Variants in HRG observed in about 807,000 individuals in gnomAD.
HRG encodes the protein histidine-rich glycoprotein.
In HRG, 26 loss-of-function variants were observed where a neutral mutation model predicts 29.5. The observed-to-expected ratio is 0.88, with a 90% CI of 0.65 to 1.22. The LOEUF (loss-of-function observed/expected upper bound fraction) is 1.22, where lower values mean the gene tolerates loss of function less well. Among genes scored for constraint, HRG ranks in the 50% most tolerant of loss-of-function variants. The probability of loss-of-function intolerance (pLI) is 0.00; values close to 1 mark genes in which losing one functional copy is unlikely to be tolerated. For synonymous variants in HRG, 243 were observed against 240.4 expected, an observed-to-expected ratio of 1.01 and a Z score of -0.10; for missense variants, 671 against 654.5, an observed-to-expected ratio of 1.03 and a Z score of -0.28.
In HRG at chr3:186,678,120, A is replaced by G. The variant is rs748512696; in HGVS notation, c.*237A>G. ...GTCACTCACCACTACATCACTTGAGACAAATCTATGCCACTCAGAATCTCC... is the reference window on the plus strand; with the variant it reads ...GTCACTCACCACTACATCACTTGAGGCAAATCTATGCCACTCAGAATCTCC... On this transcript the variant is annotated 3_prime_UTR_variant, in exon 7 of 7. Transcript: ENST00000232003. 12 of 506,868 alleles carry G rather than the reference A, an allele frequency of 2.4e-5. No individual in the cohort carries two copies. Among genetic ancestry groups the G allele is most frequent in the African/African-American group, 2.3e-4 (12 of 51,902 alleles). 31.4% of individuals were successfully genotyped at this position (506,868 alleles called of 1,614,324 possible).
intron 6 of HRG, 98 bp downstream of exon 6, chr3:186,675,288 T>TGC (rs1718936228): frequency 2.1e-5 from 7 of 329,222 alleles, no homozygotes; most frequent in Non-Finnish European, 3.5e-5. Context: ...TGAGTGGGTG[T>TGC]GTGTGTGTGT....
chr3:186,677,285 G>A lies in HRG; in HGVS notation c.980G>A (p.Cys327Tyr). 1 of 1,613,978 alleles carries A rather than the reference G, an allele frequency of 6.2e-7. No homozygotes were observed. The highest frequency in any genetic ancestry group is 8.5e-7 in the Non-Finnish European group (1 of 1,179,994). Residue 327 changes from cysteine to tyrosine, a missense_variant, in exon 7 of 7, where the codon TGT (cysteine) becomes TAT (tyrosine). Physicochemically the swap from Cys to Tyr is radical, Grantham distance 194 (BLOSUM62 -2). Coordinates refer to ENST00000232003, the MANE Select transcript of HRG (RefSeq NM_000412.5). ...CTATTGCCCATGTCCTGCTCAAGTT[G>A]TCAACATGCCACTTTTGGCACAAAT... is the stretch of plus-strand genomic sequence containing the variant. ...PPLLPMSCSS[C>Y]QHATFGTNGA...
intron 2 of HRG, among the ~76,000 whole-genome samples, 155 bp downstream of exon 2, chr3:186,669,206 T>C (rs1312680181): frequency 1.3e-5 from 2 of 152,250 alleles, no homozygotes; most frequent in Non-Finnish European, 2.9e-5. Flanking sequence ...GCAATACTCT[T>C]GAGAGTCTTT....
At chr3:186,676,549 T>A (rs146112406) in intron 6 of HRG, among the ~76,000 whole-genome samples, 1 of 150,508 alleles carries the variant, frequency 6.6e-6, no homozygotes, top group Admixed American at 6.6e-5. Context: ...CTGAGATGGG[T>A]GGATTACTTG....
In HRG at chr3:186,677,584, T is replaced by A. The variant is rs776485907; in HGVS notation, c.1279T>A (p.Cys427Ser). 2 of 1,614,116 alleles carry A rather than the reference T, an allele frequency of 1.2e-6. No homozygotes were observed. Among genetic ancestry groups the A allele is most frequent in the Non-Finnish European group, 1.7e-6 (2 of 1,180,016 alleles). ...CCCACCACCCCATAACCAAGGTCAC[T>A]GTTGCCATGGCCACGGCCCACCACC... ...CDPPPHNQGH[C>S]CHGHGPPPGH... The change falls in exon 7 of 7, where the codon TGT (cysteine) becomes AGT (serine). Residue 427 changes from cysteine (C) to serine (S), a missense_variant. Cys to Ser is a moderately radical substitution (Grantham distance 112). Transcript: ENST00000232003.
chr3:186,676,184 T>C (rs1718981771), intron 6 of HRG, among the ~76,000 whole-genome samples: 1 of 152,064 alleles, frequency 6.6e-6, no homozygotes, highest in South Asian at 2.1e-4. Flanking sequence ...AGCTATTTTT[T>C]AAAAAATTAA....
At chr3:186,676,986 A>G (rs1436740156) in intron 6 of HRG, 61 bp from the exon 7 acceptor site, 2 of 1,603,410 alleles carry the variant, frequency 1.2e-6, no homozygotes, top group East Asian at 4.5e-5. Flanking sequence ...AATCAAGTCA[A>G]GTATCTAACA....
chr3:186,666,053 C>CTT lies in HRG; in HGVS notation c.23_24insTT (p.Leu9CysfsTer3). 11 of 1,614,250 alleles carry CTT rather than the reference C, an allele frequency of 6.8e-6. No homozygotes were observed. The highest frequency in any genetic ancestry group is 9.3e-6 in the Non-Finnish European group (11 of 1,180,038). ...CAAAATGAAGGCACTCATTGCAGCA[C>CTT]TGCTTTTGATCACATTGCAGTATTC... On this transcript the variant is annotated frameshift_variant, in exon 1 of 7. Coordinates refer to ENST00000232003, the MANE Select transcript of HRG (RefSeq NM_000412.5). LOFTEE classifies it high-confidence loss of function.
In HRG at chr3:186,671,727, A is replaced by C; in HGVS notation, c.496A>C (p.Lys166Gln). The C allele has an allele frequency of 6.2e-7, 1 of 1,614,004 alleles. No homozygotes were observed. The highest frequency in any genetic ancestry group is 8.5e-7 in the Non-Finnish European group (1 of 1,179,920). ...KQANKALEKY[K>Q]EENDDFASFR... ...AGCCAACAAAGCCCTTGAGAAGTAC[A>C]AAGAGGAGAATGATGACTTTGCCTC... The change falls in exon 4 of 7, where the codon AAA becomes CAA. Residue 166 changes from lysine (K) to glutamine (Q), a missense_variant. Lys to Gln is a moderately conservative substitution (Grantham distance 53). Coordinates refer to ENST00000232003, the MANE Select transcript of HRG (RefSeq NM_000412.5).
chr3:186,669,645 G>A (rs1006929252), intron 2 of HRG: 1 of 444,222 alleles, frequency 2.3e-6, no homozygotes, highest in African/African-American at 2.0e-5. Context: ...GAAAATGAGA[G>A]GTTCACACTC....
intron 6 of HRG, 110 bp downstream of exon 6, chr3:186,675,300 T>TGAGAGAGAGA (rs1367965463): frequency 3.0e-5 from 18 of 602,640 alleles, no homozygotes; most frequent in African/African-American, 2.0e-4. Flanking sequence ...TGTGTGTGTG[T>TGAGAGAGAGA]GTGTGTGTGA....
In HRG at chr3:186,677,866, C is replaced by A; in HGVS notation, c.1561C>A (p.His521Asn). The change falls in exon 7 of 7, where the codon CAT (histidine) becomes AAT (asparagine). Residue 521 changes from histidine (H) to asparagine (N), a missense_variant. Coordinates refer to ENST00000232003, the MANE Select transcript of HRG (RefSeq NM_000412.5). ...TCCACAAGTTTCCATGTTTTTTACA[C>A]ATACATTTCCAAAATAAAATGTGAT... ...GFPQVSMFFT[H>N]TFPK The A allele has an allele frequency of 6.2e-7, 1 of 1,613,436 alleles. No homozygotes were observed. The highest frequency in any genetic ancestry group is 8.5e-7 in the Non-Finnish European group (1 of 1,179,366).
rs201357157 is a variant in HRG, at chr3:186,672,780, G to T, written c.559-7G>T. 103 of 1,590,554 alleles carry T rather than the reference G, an allele frequency of 6.5e-5. 1 individual carries two copies. Among genetic ancestry groups the T allele is most frequent in the Non-Finnish European group, 8.5e-5 (99 of 1,158,638 alleles). On this transcript the variant is annotated splice_region_variant and splice_polypyrimidine_tract_variant and intron_variant, in intron 4 of 6. Transcript: ENST00000232003. ...TCTTGAAACTATTTTGATCCCATCT[G>T]TTCTAGAGAGGAGGGGAAGGAACTG...
chr3:186,673,622 G>A (rs1718878910), intron 5 of HRG: 1 of 152,338 alleles, frequency 6.6e-6, no homozygotes, highest in Non-Finnish European at 1.5e-5. Context: ...TTCGTACTAA[G>A]ACCCTACGCC....
rs2108586561 is a variant in HRG at position 186,677,767 on chromosome 3, C to T, written c.1462C>T (p.Pro488Ser). Residue 488 changes from proline to serine, a missense_variant, in exon 7 of 7, where the codon CCT becomes TCT. Transcript: ENST00000232003. ...PSFPLPHHKH[P>S]LKPDNQPFPQ... ...CTTCCCATTGCCGCACCACAAACAT[C>T]CTCTAAAGCCAGACAATCAGCCCTT... 1.9e-6 allele frequency: 3 copies of T among 1,613,496 alleles called. No individual in the cohort carries two copies. The East Asian group carries it at 6.7e-5, about 36-fold the overall frequency.
Position 186,677,174 on chromosome 3 carries a change from A to G in HRG, c.869A>G (p.His290Arg), listed in dbSNP as rs1482986542. The G allele has an allele frequency of 1.2e-6, 2 of 1,613,778 alleles. No individual in the cohort carries two copies. The highest frequency in any genetic ancestry group is 1.3e-5 in the African/African-American group (1 of 74,816). ...PHGSRDHHHP[H>R]KPHEHGPPPP... Reference sequence around the variant, plus strand: ...GGATCTAGAGATCATCATCATCCCCACAAGCCACACGAACATGGACCCCCA... The same window carrying G: ...GGATCTAGAGATCATCATCATCCCCGCAAGCCACACGAACATGGACCCCCA... The change falls in exon 7 of 7, where the codon CAC (histidine) becomes CGC (arginine). Residue 290 changes from histidine (H) to arginine (R), a missense_variant. Physicochemically the swap from His to Arg is conservative, Grantham distance 29 (BLOSUM62 0). Coordinates refer to ENST00000232003, the MANE Select transcript of HRG (RefSeq NM_000412.5).
rs1328066708 is a variant in HRG at position 186,677,401 on chromosome 3, C to T, written c.1096C>T (p.Pro366Ser). The T allele has an allele frequency of 3.7e-6, 6 of 1,611,032 alleles. No individual in the cohort carries two copies. The highest frequency in any genetic ancestry group is 5.1e-6 in the Non-Finnish European group (6 of 1,178,536). ...TGAACAGCATCCCCACGGACACCAT[C>T]CCCATGCACACCATCCTCATGAACA... ...SHEQHPHGHH[P>S]HAHHPHEHDT... Residue 366 changes from proline to serine, a missense_variant, in exon 7 of 7, where the codon CCC becomes TCC. By Grantham distance (74) the Pro-to-Ser change is moderately conservative (BLOSUM62 -1). Coordinates refer to ENST00000232003, the MANE Select transcript of HRG (RefSeq NM_000412.5).
In HRG at chr3:186,671,981, T is replaced by G. The variant is rs866855562; in HGVS notation, c.558+192T>G. On this transcript the variant is annotated intron_variant, in intron 4 of 6. Coordinates refer to ENST00000232003, the MANE Select transcript of HRG (RefSeq NM_000412.5). ...AAAATTGCTTTCCTCAAACACTTTTTTTTTTTTTTGAAGGATGGGTAGGGG... is the reference window on the plus strand; with the variant it reads ...AAAATTGCTTTCCTCAAACACTTTTGTTTTTTTTTGAAGGATGGGTAGGGG... Among the ~76,000 whole-genome samples the G allele has an allele frequency of 1.3e-4, 20 of 152,046 alleles. No homozygotes were observed. The South Asian group carries it at 2.5e-3, about 19-fold the overall frequency.
At chr3:186,675,046 A>G (rs971595311) in intron 5 of HRG, 43 bp from the exon 6 acceptor site, 2 of 1,347,790 alleles carry the variant, frequency 1.5e-6, no homozygotes, top group Non-Finnish European at 2.1e-6. Flanking sequence ...TCATCTTCAC[A>G]CCACCTGGAC....
Sources: allele counts gnomAD v4.1 joint callset (sites outside exome capture counted in the v4.1 genomes callset), GRCh38; gene constraint gnomAD v4.1.1; transcripts MANE v1.5; gene names NCBI Gene and HGNC (gene_info 2026-07-23, HGNC 2026-07-21).